The following ATMIN variants were observed in gnomAD, a reference collection of about 807,000 sequenced individuals.
ATMIN encodes the protein ATM INteracting protein.
In ATMIN, 24 loss-of-function variants were observed where a neutral mutation model predicts 49.2. The ratio of observed to expected loss-of-function variants is 0.49; its 90% CI spans 0.35 to 0.69. The LOEUF is 0.69. Ranked by LOEUF, ATMIN falls within the 30% of genes least tolerant of loss-of-function variation. ATMIN has a pLI of 0.00. For missense variants in ATMIN, 1,037 were observed against 1,005.5 expected (o/e 1.03, Z -0.42); for synonymous variants, 450 against 392.5 (o/e 1.15, Z -1.73).
Position 81,046,935 on chromosome 16 carries a change from CAT to C in ATMIN, c.*1967_*1968del, listed in dbSNP as rs1567566882. 1 of 152,578 alleles carries C rather than the reference CAT, an allele frequency of 6.6e-6. No homozygotes were observed. The highest frequency in any genetic ancestry group is 1.5e-5 in the Non-Finnish European group (1 of 68,026). 9.5% of individuals were successfully genotyped at this position (152,578 alleles called of 1,614,324 possible). A position where few individuals can be genotyped will look rare whatever the true frequency, so the allele number is the denominator to read the frequency against. ...CTATGAGTGTGGGTTTCAAAAGAAA[CAT>C]AAAGCCTTAACTTAGAATTTCATTA... On this transcript the variant is annotated 3_prime_UTR_variant, in exon 4 of 4. Coordinates refer to ENST00000299575, the MANE Select transcript of ATMIN (RefSeq NM_015251.3).
chr16:81,042,014 A>G (rs1487991229), intron 2 of ATMIN, among the ~76,000 whole-genome samples: 1 of 152,194 alleles, frequency 6.6e-6, no homozygotes, highest in Non-Finnish European at 1.5e-5. Context: ...TGCCTGCAGC[A>G]CTTACAGATC....
chr16:81,041,255 G>A, intron 1 of ATMIN, 101 bp from the exon 2 acceptor site: 2 of 1,305,550 alleles, frequency 1.5e-6, no homozygotes, highest in South Asian at 1.5e-5. Context: ...TTAATTAAAA[G>A]TATTTCACAA....
Position 81,046,448 on chromosome 16 carries a change from G to A in ATMIN, c.*1478G>A, listed in dbSNP as rs1427487890. On this transcript the variant is annotated 3_prime_UTR_variant, in exon 4 of 4. Transcript: ENST00000299575. The stretch of plus-strand genomic sequence containing the variant: ...TCTAAAATATGGTATTCTGCATTTT[G>A]GTTTTTTTTCTTAAGTGAATAATAC... 1 of 152,004 alleles carries A rather than the reference G, an allele frequency of 6.6e-6. No individual in the cohort carries two copies. Among genetic ancestry groups the A allele is most frequent in the Non-Finnish European group, 1.5e-5 (1 of 67,980 alleles). The allele number at this position is 152,004 out of a possible 1,614,324, so 9.4% of individuals were successfully genotyped here.
intron 1 of ATMIN, among the ~76,000 whole-genome samples, chr16:81,038,458 A>G (rs530843451): frequency 1.3e-5 from 2 of 152,016 alleles, no homozygotes; most frequent in African/African-American, 4.8e-5. Context: ...AGCAGGAATT[A>G]TACCTCACCA....
At chr16:81,040,575 A>T (rs1170920932) in intron 1 of ATMIN, 1 of 152,258 alleles carries the variant, frequency 6.6e-6, no homozygotes, top group Non-Finnish European at 1.5e-5. Flanking sequence ...AACAGAAGAT[A>T]CAAATAAATC....
At chr16:81,041,239 A>G in intron 1 of ATMIN, 117 bp from the exon 2 acceptor site, 3 of 1,166,302 alleles carry the variant, frequency 2.6e-6, no homozygotes, top group Non-Finnish European at 2.4e-6. Context: ...CTAGATGGAA[A>G]AACTCTTAAT....
rs929510543 is a variant in ATMIN, at chr16:81,046,432, T to C, written c.*1462T>C. The C allele has an allele frequency of 2.6e-5, 4 of 152,206 alleles. No individual in the cohort carries two copies. Among genetic ancestry groups the C allele is most frequent in the Admixed American group, 6.6e-5 (1 of 15,266 alleles). The allele number at this position is 152,206 out of a possible 1,614,324, so 9.4% of individuals were successfully genotyped here. A position where few individuals can be genotyped will look rare whatever the true frequency, so the allele number is the denominator to read the frequency against. The stretch of plus-strand genomic sequence containing the variant: ...TTATAGGATAGATTCATCTAAAATA[T>C]GGTATTCTGCATTTTGGTTTTTTTT... On this transcript the variant is annotated 3_prime_UTR_variant, in exon 4 of 4. Coordinates refer to ENST00000299575, the MANE Select transcript of ATMIN (RefSeq NM_015251.3).
chr16:81,036,298 A>C, intron 1 of ATMIN, 92 bp downstream of exon 1: 1 of 1,082,212 alleles, frequency 9.2e-7, no homozygotes, highest in South Asian at 4.3e-5. Context: ...CGGGGGGACG[A>C]GCGCCCTGCG....
Position 81,043,807 on chromosome 16 carries a change from G to T in ATMIN, c.1309G>T (p.Val437Leu). 1 of 1,614,220 alleles carries T rather than the reference G, an allele frequency of 6.2e-7. No homozygotes were observed. Among genetic ancestry groups the T allele is most frequent in the Non-Finnish European group, 8.5e-7 (1 of 1,180,036 alleles). The change falls in exon 4 of 4, where the codon GTG (valine) becomes TTG (leucine). Residue 437 changes from valine to leucine, a missense_variant. Transcript: ENST00000299575. ...ACAGTGGGCCACTGCTGATTCCTCT[G>T]TGTCGTCTTGTTCTCAAACTGATTT... ...SAQWATADSS[V>L]SSCSQTDLSF...
rs746891401 is a variant in ATMIN at position 81,044,901 on chromosome 16, G to A, written c.2403G>A (p.Thr801=). ...DFLLADLAWN[T]MESQFSSVET... ...TTCTGGCTGATCTGGCCTGGAACAC[G>A]ATGGAGTCTCAGTTCAGCTCTGTAG... is the stretch of plus-strand genomic sequence containing the variant. Residue 801 remains threonine, a synonymous_variant, in exon 4 of 4, where the codon ACG becomes ACA. Coordinates refer to ENST00000299575, the MANE Select transcript of ATMIN (RefSeq NM_015251.3). 4 of 1,613,982 alleles carry A rather than the reference G, an allele frequency of 2.5e-6. No individual in the cohort carries two copies. The highest frequency in any genetic ancestry group is 1.3e-5 in the African/African-American group (1 of 74,916).
chr16:81,038,450 C>G (rs1240979300), intron 1 of ATMIN, among the ~76,000 whole-genome samples: 1 of 152,004 alleles, frequency 6.6e-6, no homozygotes, highest in Non-Finnish European at 1.5e-5. Flanking sequence ...TTTTTTTTAG[C>G]AGGAATTATA....
rs1294233555 is a variant in ATMIN at position 81,046,520 on chromosome 16, A to T, written c.*1550A>T. The T allele has an allele frequency of 6.6e-6, 1 of 152,208 alleles. No individual in the cohort carries two copies. The highest frequency in any genetic ancestry group is 2.4e-5 in the African/African-American group (1 of 41,448). The allele number at this position is 152,208 out of a possible 1,614,324, so 9.4% of individuals were successfully genotyped here. ...TGAAGACCTATTGCTTCAATAATCAAGAATGCTTTGTGTGTTTTGAGGTAG... is the reference window on the plus strand; with the variant it reads ...TGAAGACCTATTGCTTCAATAATCATGAATGCTTTGTGTGTTTTGAGGTAG... On this transcript the variant is annotated 3_prime_UTR_variant, in exon 4 of 4. Transcript: ENST00000299575.
At position 81,043,170 on chromosome 16, in the gene ATMIN, T is replaced by C; in HGVS notation, c.672T>C (p.Pro224=). 2 of 1,599,732 alleles carry C rather than the reference T, an allele frequency of 1.3e-6. No homozygotes were observed. The highest frequency in any genetic ancestry group is 1.7e-6 in the Non-Finnish European group (2 of 1,175,884). The change falls in exon 4 of 4, where the codon CCT becomes CCC. Residue 224 remains proline, a synonymous_variant. Transcript: ENST00000299575. ...CTGTCATTGTTTTCAGGGACCCACC[T>C]AGTAAGAAAAGGAAAATGGAAAACT... The part of the protein sequence containing the change: ...HEIPAEHRDP[P]SKKRKMENCA...
Position 81,044,459 on chromosome 16 carries a change from G to A in ATMIN, c.1961G>A (p.Ser654Asn), listed in dbSNP as rs1272534774. The A allele has an allele frequency of 6.2e-7, 1 of 1,614,036 alleles. No homozygotes were observed. The highest frequency in any genetic ancestry group is 1.3e-5 in the African/African-American group (1 of 74,976). Reference protein sequence around the residue: ...ASNIQTQTEESELSTMTTEPV... With the variant: ...ASNIQTQTEENELSTMTTEPV... Reference sequence around the variant, plus strand: ...AATATCCAGACTCAAACTGAAGAGAGTGAACTTAGCACCATGACCACCGAG... The same window carrying A: ...AATATCCAGACTCAAACTGAAGAGAATGAACTTAGCACCATGACCACCGAG... The change falls in exon 4 of 4, where the codon AGT (serine) becomes AAT (asparagine). Residue 654 changes from serine (S) to asparagine (N), a missense_variant. Transcript: ENST00000299575.
rs1283657320 is a variant in ATMIN at position 81,042,499 on chromosome 16, T to C, written c.662+19T>C. ...AACACAGGTGAAGGGAAAGAAATGA[T>C]GGCACAGAAGTCAGTAGCTATGGGA... On this transcript the variant is annotated intron_variant, in intron 3 of 3. Transcript: ENST00000299575. 1.2e-6 allele frequency: 2 copies of C among 1,611,748 alleles called. No individual in the cohort carries two copies. Among genetic ancestry groups the C allele is most frequent in the African/African-American group, 1.3e-5 (1 of 74,920 alleles).
chr16:81,041,468 C>A lies in ATMIN; in HGVS notation c.449C>A (p.Ser150Tyr), dbSNP rs557990387. ...RGPERPFSQF[S>Y]LVKQHFMKMH... Reference sequence around the variant, plus strand: ...CCTGAGAGACCGTTTTCTCAGTTTTCTCTCGTAAAACAGGTACTCTCTACT... The same window carrying A: ...CCTGAGAGACCGTTTTCTCAGTTTTATCTCGTAAAACAGGTACTCTCTACT... Residue 150 changes from serine (S) to tyrosine (Y), a missense_variant, in exon 2 of 4, where the codon TCT becomes TAT. Coordinates refer to ENST00000299575, the MANE Select transcript of ATMIN (RefSeq NM_015251.3). The A allele has an allele frequency of 1.2e-6, 2 of 1,608,576 alleles. No homozygotes were observed. Among genetic ancestry groups the A allele is most frequent in the Non-Finnish European group, 1.7e-6 (2 of 1,178,784 alleles).
At position 81,046,661 on chromosome 16, in the gene ATMIN, GACACACACACAC is replaced by G. The variant is rs56038631; in HGVS notation, c.*1710_*1721del. 8 of 147,216 alleles carry G rather than the reference GACACACACACAC, an allele frequency of 5.4e-5. No homozygotes were observed. The highest frequency in any genetic ancestry group is 1.1e-4 in the Non-Finnish European group (7 of 66,480). 9.1% of individuals were successfully genotyped at this position (147,216 alleles called of 1,614,324 possible). ...GTGCAGCCTGTAAGTTCTCCACATT[GACACACACACAC>G]ACACACACACACACACACGACATGC... On this transcript the variant is annotated 3_prime_UTR_variant, in exon 4 of 4. Transcript: ENST00000299575.
chr16:81,036,445 A>G (rs868804882), intron 1 of ATMIN, among the ~76,000 whole-genome samples: 2 of 152,158 alleles, frequency 1.3e-5, no homozygotes, highest in Admixed American at 6.5e-5. Context: ...CGTACGCGCC[A>G]GTTCCCTGGT....
chr16:81,039,919 G>A (rs1317420145), intron 1 of ATMIN, among the ~76,000 whole-genome samples: 1 of 152,182 alleles, frequency 6.6e-6, no homozygotes, highest in African/African-American at 2.4e-5. Context: ...AGATGACAAA[G>A]CAAACCGTTT....
Sources: gnomAD v4.1 joint callset for allele counts (sites outside exome capture counted in the v4.1 genomes callset) on GRCh38, gnomAD v4.1.1 for gene constraint, MANE v1.5 for transcripts, NCBI Gene and HGNC (gene_info 2026-07-23, HGNC 2026-07-21) for gene names.